Variants in NAA15 observed in about 807,000 individuals in gnomAD.
NAA15 encodes the protein N-alpha-acetyltransferase 15, NatA auxiliary subunit, also known as N-terminal acetyltransferase.
Under a neutral mutation model 114.0 loss-of-function variants are expected in NAA15, and 34 were observed. The ratio of observed to expected loss-of-function variants is 0.30; its 90% CI spans 0.23 to 0.40. NAA15 has a LOEUF of 0.40. NAA15 is among the 10% of genes least tolerant of loss of function. The probability of loss-of-function intolerance (pLI) is 1.00; values close to 1 mark genes in which losing one functional copy is unlikely to be tolerated. For missense variants in NAA15, 658 were observed against 1,004.5 expected, an observed-to-expected ratio of 0.66 and a Z score of 4.66; for synonymous variants, 340 against 338.0, an observed-to-expected ratio of 1.01 and a Z score of -0.06.
intron 1 of NAA15, among the ~76,000 whole-genome samples, chr4:139,310,909 A>C (rs1052367115): frequency 2.0e-5 from 3 of 148,720 alleles, no homozygotes; most frequent in Non-Finnish European, 3.0e-5. Flanking sequence ...GTGAGCCATT[A>C]TGCCTGGCCT....
intron 16 of NAA15, among the ~76,000 whole-genome samples, chr4:139,378,509 C>G (rs777841079): frequency 2.6e-5 from 4 of 152,160 alleles, no homozygotes; most frequent in Non-Finnish European, 4.4e-5. Flanking sequence ...GCTTATATGT[C>G]ATTAGTTTAA....
intron 10 of NAA15, among the ~76,000 whole-genome samples, chr4:139,356,971 A>G (rs894613011): frequency 1.4e-5 from 2 of 138,506 alleles, no homozygotes; most frequent in African/African-American, 3.0e-5. Flanking sequence ...TAGAAACTCA[A>G]TTAAGCAGCC....
intron 1 of NAA15, among the ~76,000 whole-genome samples, chr4:139,311,273 T>C (rs540663358): frequency 2.9e-4 from 44 of 152,118 alleles, no homozygotes; most frequent in African/African-American, 9.9e-4. Flanking sequence ...CGTCTGTTAA[T>C]GGCTCTATTC....
chr4:139,341,623 A>AAAAAAAAAAAAAAAAAT (rs1747398087), intron 4 of NAA15, among the ~76,000 whole-genome samples: 1 of 150,902 alleles, frequency 6.6e-6, no homozygotes, highest in Non-Finnish European at 1.5e-5. Context: ...AAAAAAAGAA[A>AAAAAAAAAAAAAAAAAT]ATCAGTACTC....
At chr4:139,382,931 C>T (rs925361179) in intron 17 of NAA15, among the ~76,000 whole-genome samples, 1 of 152,078 alleles carries the variant, frequency 6.6e-6, no homozygotes, top group African/African-American at 2.4e-5. Flanking sequence ...GATCCATTAG[C>T]AGGATAGTGG....
chr4:139,336,854 TG>T lies in NAA15; in HGVS notation c.148del (p.Ala50LeufsTer2). On this transcript the variant is annotated frameshift_variant, in exon 3 of 20. Coordinates refer to ENST00000296543, the MANE Select transcript of NAA15 (RefSeq NM_057175.5). LOFTEE classifies it high-confidence loss of function. ...NPKFAEHGETLAMKGLTLNCL... is the reference protein window; with the variant it reads ...NPKFAEHGETXAMKGLTLNCL... ...TCTTTGTTTTTGAAAATAGAAACCT[TG>T]GCTATGAAAGGATTAACATTGAACT... is the stretch of plus-strand genomic sequence containing the variant. 1 of 1,515,478 alleles carries T rather than the reference TG, an allele frequency of 6.6e-7. No individual in the cohort carries two copies. Among genetic ancestry groups the T allele is most frequent in the Non-Finnish European group, 8.8e-7 (1 of 1,134,562 alleles). 93.9% of individuals were successfully genotyped at this position (1,515,478 alleles called of 1,614,324 possible).
chr4:139,315,743 T>TA (rs2110850091), intron 1 of NAA15, among the ~76,000 whole-genome samples: 1 of 152,002 alleles, frequency 6.6e-6, no homozygotes, highest in Non-Finnish European at 1.5e-5. Context: ...ATGTTATACT[T>TA]ACTCTGGGTC....
rs565684199 is a variant in NAA15, at chr4:139,385,874, A to G, written c.2303-259A>G. On this transcript the variant is annotated intron_variant, in intron 18 of 19. Transcript: ENST00000296543. The stretch of plus-strand genomic sequence containing the variant: ...TTCTTCATAGTCTCCTTTACTGTGC[A>G]TGTGTTGCATATACATTCTATTTTA... Among the ~76,000 whole-genome samples the G allele has an allele frequency of 2.0e-5, 3 of 152,300 alleles. No individual in the cohort carries two copies. In the South Asian group the frequency reaches 6.2e-4, roughly 32 times the overall value.
At position 139,301,728 on chromosome 4, in the gene NAA15, C is replaced by T; in HGVS notation, c.-50C>T. 6.5e-7 allele frequency: 1 copy of T among 1,534,128 alleles called. No homozygotes were observed. Among genetic ancestry groups the T allele is most frequent in the South Asian group, 1.2e-5 (1 of 83,360 alleles). ...ACGGCAGCGGCGGCGGTCGGACAAA[C>T]TGACTGACCGAGCCGGGTGGTGGCG... On this transcript the variant is annotated 5_prime_UTR_variant, in exon 1 of 20. Coordinates refer to ENST00000296543, the MANE Select transcript of NAA15 (RefSeq NM_057175.5).
At chr4:139,304,639 G>C (rs574002978) in intron 1 of NAA15, among the ~76,000 whole-genome samples, 1 of 152,112 alleles carries the variant, frequency 6.6e-6, no homozygotes, top group Non-Finnish European at 1.5e-5. Flanking sequence ...TTAAAAATTT[G>C]TATTTTTTAT....
At chr4:139,310,930 A>AATTT (rs1553992135) in intron 1 of NAA15, among the ~76,000 whole-genome samples, 11 of 151,212 alleles carry the variant, frequency 7.3e-5, no homozygotes, top group Non-Finnish European at 1.3e-4. Flanking sequence ...AATTTAAAAA[A>AATTT]TTTTGAGACA....
rs531476466 is a variant in NAA15 at position 139,376,385 on chromosome 4, A to G, written c.1968A>G (p.Glu656=). Residue 656 remains glutamate (E), a synonymous_variant, in exon 16 of 20, where the codon GAA becomes GAG. Transcript: ENST00000296543. ...GTTAGGTTGAAACTCCATTGGAAGA[A>G]GCTATTAAATTTTTAACACCGTTGA... is the stretch of plus-strand genomic sequence containing the variant. ...KLAKVETPLE[E]AIKFLTPLKN... 4 of 1,607,294 alleles carry G rather than the reference A, an allele frequency of 2.5e-6. No homozygotes were observed. The Admixed American group carries it at 5.0e-5, about 20-fold the overall frequency.
rs141715687 is a variant in NAA15 at position 139,355,362 on chromosome 4, T to A, written c.1087+1264T>A. Among the ~76,000 whole-genome samples, 4 of 152,292 alleles carry A rather than the reference T, an allele frequency of 2.6e-5. No homozygotes were observed. In the East Asian group the frequency reaches 7.7e-4, roughly 29 times the overall value. On this transcript the variant is annotated intron_variant, in intron 10 of 19. Coordinates refer to ENST00000296543, the MANE Select transcript of NAA15 (RefSeq NM_057175.5). Reference sequence around the variant, plus strand: ...ACTCTTTTTATCTTTTGGGTTTCTGTCCTATCCCTTTTCCTGCAATTTATT... The same window carrying A: ...ACTCTTTTTATCTTTTGGGTTTCTGACCTATCCCTTTTCCTGCAATTTATT...
At chr4:139,383,709 G>C (rs921293249) in intron 17 of NAA15, among the ~76,000 whole-genome samples, 1 of 152,206 alleles carries the variant, frequency 6.6e-6, no homozygotes, top group African/African-American at 2.4e-5. Flanking sequence ...GACCTCAAGT[G>C]ATCCACCCGC....
intron 2 of NAA15, among the ~76,000 whole-genome samples, chr4:139,334,560 TATA>T (rs921050623): frequency 6.6e-6 from 1 of 152,262 alleles, no homozygotes; most frequent in Non-Finnish European, 1.5e-5. Context: ...TTGTATGCTT[TATA>T]ATCTTATTCA....
At chr4:139,361,639 TAACAA>T in intron 13 of NAA15, 80 bp from the exon 14 acceptor site, 1 of 789,672 alleles carries the variant, frequency 1.3e-6, no homozygotes, top group Non-Finnish European at 1.9e-6. Context: ...CATGCCAAAG[TAACAA>T]GTATTCCAAT....
At position 139,334,182 on chromosome 4, in the gene NAA15, T is replaced by C. The variant is rs767582471; in HGVS notation, c.63T>C (p.Tyr21=). Reference sequence around the variant, plus strand: ...CTTTTTTGTTTTGACAGAGGTGTTATGAACATAAACAGTATAGAAATGGAT... The same window carrying C: ...CTTTTTTGTTTTGACAGAGGTGTTACGAACATAAACAGTATAGAAATGGAT... ...NALFKRILRC[Y]EHKQYRNGLK... Residue 21 remains tyrosine (Y), a synonymous_variant, in exon 2 of 20, where the codon TAT becomes TAC. Coordinates refer to ENST00000296543, the MANE Select transcript of NAA15 (RefSeq NM_057175.5). The C allele has an allele frequency of 1.9e-6, 3 of 1,583,430 alleles. No individual in the cohort carries two copies. The highest frequency in any genetic ancestry group is 2.6e-6 in the Non-Finnish European group (3 of 1,168,962).
At chr4:139,332,925 A>G (rs1747072377) in intron 1 of NAA15, among the ~76,000 whole-genome samples, 3 of 152,268 alleles carry the variant, frequency 2.0e-5, no homozygotes, top group South Asian at 2.1e-4. Flanking sequence ...ACATTTTGCG[A>G]GATTGGTTCC....
chr4:139,323,601 G>T (rs988732207), intron 1 of NAA15, among the ~76,000 whole-genome samples: 15 of 152,098 alleles, frequency 9.9e-5, no homozygotes, highest in Non-Finnish European at 1.5e-4. Flanking sequence ...CAGTGAGACT[G>T]CTAAGCTCTG....
Sources: allele counts gnomAD v4.1 joint callset (sites outside exome capture counted in the v4.1 genomes callset), GRCh38; gene constraint gnomAD v4.1.1; transcripts MANE v1.5; gene names NCBI Gene and HGNC (gene_info 2026-07-23, HGNC 2026-07-21).